The following BRD2 variants were observed in gnomAD, a reference collection of about 807,000 sequenced individuals.
The protein encoded by BRD2 is bromodomain containing 2, also known as bromodomain-containing protein 2.
Under a neutral mutation model 79.1 loss-of-function variants are expected in BRD2, and 15 were observed. The observed-to-expected ratio is 0.19, with a 90% CI of 0.13 to 0.29. BRD2 has a LOEUF of 0.29. Among genes scored for constraint, BRD2 ranks in the 10% least tolerant of loss-of-function variants. The probability of loss-of-function intolerance (pLI) is 1.00; values close to 1 mark genes in which losing one functional copy is unlikely to be tolerated. For synonymous variants in BRD2, 488 were observed against 358.6 expected, an observed-to-expected ratio of 1.36 and a Z score of -4.08; for missense variants, 1,053 against 991.3, an observed-to-expected ratio of 1.06 and a Z score of -0.84.
chr6:32,973,967 A>G (rs1262789253), intron 2 of BRD2, among the ~76,000 whole-genome samples: 1 of 151,974 alleles, frequency 6.6e-6, no homozygotes, highest in African/African-American at 2.4e-5. Flanking sequence ...TCTCTCTTCT[A>G]TCTAGGTGGA....
At position 32,977,560 on chromosome 6, in the gene BRD2, G is replaced by A. The variant is rs1401379193; in HGVS notation, c.1319G>A (p.Arg440Gln). ...GATCACGATGTTGTGGCAATGGCAC[G>A]AAAGCTACAGGTGAGTGGAAAGGTT... ...PPDHDVVAMARKLQDVFEFRY... is the reference protein window; with the variant it reads ...PPDHDVVAMAQKLQDVFEFRY... Residue 440 changes from arginine (R) to glutamine (Q), a missense_variant, in exon 8 of 13, where the codon CGA (arginine) becomes CAA (glutamine). Physicochemically the swap from Arg to Gln is conservative, Grantham distance 43. Around this residue, in one of 5 missense-constraint regions of BRD2, gnomAD observed 454 missense variants for 430.5 expected, o/e 1.05. Transcript: ENST00000374825. 5 of 1,613,956 alleles carry A rather than the reference G, an allele frequency of 3.1e-6. No individual in the cohort carries two copies. Among genetic ancestry groups the A allele is most frequent in the South Asian group, 1.1e-5 (1 of 91,076 alleles).
Position 32,976,889 on chromosome 6 carries a change from G to A in BRD2, c.1153G>A (p.Asp385Asn). Residue 385 changes from aspartate (D) to asparagine (N), a missense_variant, in exon 7 of 13, where the codon GAC becomes AAC. Physicochemically the swap from Asp to Asn is conservative, Grantham distance 23. Coordinates refer to ENST00000374825, the MANE Select transcript of BRD2 (RefSeq NM_005104.4). ...GGATGCTTCTGCACTTGGCCTGCAT[G>A]ACTACCATGACATCATTAAGCACCC... ...PVDASALGLH[D>N]YHDIIKHPMD... 1 of 1,613,006 alleles carries A rather than the reference G, an allele frequency of 6.2e-7. No homozygotes were observed. Among genetic ancestry groups the A allele is most frequent in the Non-Finnish European group, 8.5e-7 (1 of 1,179,982 alleles).
At position 32,976,150 on chromosome 6, in the gene BRD2, G is replaced by A. The variant is rs776849715; in HGVS notation, c.591G>A (p.Lys197=). The part of the protein sequence containing the change: ...LVVTIPKNSH[K]KGAKLAALQG... ...TGACCATCCCTAAGAACAGCCACAA[G>A]AAGGGGGCCAAGTTGGCAGGTAGGA... Residue 197 remains lysine (K), a synonymous_variant, in exon 5 of 13, where the codon AAG becomes AAA. Coordinates refer to ENST00000374825, the MANE Select transcript of BRD2 (RefSeq NM_005104.4). 1.2e-6 allele frequency: 2 copies of A among 1,612,614 alleles called. No individual in the cohort carries two copies. The highest frequency in any genetic ancestry group is 4.5e-5 in the East Asian group (2 of 44,888).
chr6:32,976,747 A>C lies in BRD2; in HGVS notation c.1011A>C (p.Gln337His), dbSNP rs774904530. Residue 337 changes from glutamine (Q) to histidine (H), a missense_variant, in exon 7 of 13, where the codon CAA becomes CAC. By Grantham distance (24) the Gln-to-His change is conservative. Transcript: ENST00000374825. ...AAGACTTGCCTGACTCTCAGCAACA[A>C]CACCAGAGCTCTAAGAAAGGAAAGC... Reference protein sequence around the residue: ...PRKDLPDSQQQHQSSKKGKLS... With the variant: ...PRKDLPDSQQHHQSSKKGKLS... 3.1e-6 allele frequency: 5 copies of C among 1,613,260 alleles called. No homozygotes were observed. Among genetic ancestry groups the C allele is most frequent in the East Asian group, 2.2e-5 (1 of 44,884 alleles).
intron 2 of BRD2, 146 bp from the exon 3 acceptor site, chr6:32,974,316 T>A: frequency 1.3e-6 from 1 of 787,500 alleles, no homozygotes; most frequent in Non-Finnish European, 2.1e-6. Flanking sequence ...CCACAGATTG[T>A]TTGGATATTG....
intron 10 of BRD2, chr6:32,979,065 G>GT (rs879684128): frequency 3.7e-3 from 388 of 103,624 alleles, no homozygotes; most frequent in Middle Eastern, 9.6e-3. Context: ...TTGTTAGTTT[G>GT]TTTTTTGTTT....
chr6:32,969,988 C>T (rs1390991367), intron 1 of BRD2, among the ~76,000 whole-genome samples: 1 of 152,190 alleles, frequency 6.6e-6, no homozygotes, highest in Non-Finnish European at 1.5e-5. Context: ...AGTAGCCTCC[C>T]TGGTGACTCA....
At chr6:32,977,033 G>A in intron 7 of BRD2, 97 bp downstream of exon 7, 1 of 1,449,234 alleles carries the variant, frequency 6.9e-7, no homozygotes, top group Non-Finnish European at 9.2e-7. Flanking sequence ...GCAGTCTTTG[G>A]TTCTTGGCAT....
rs536311902 is a variant in BRD2 at position 32,971,808 on chromosome 6, G to C, written c.-1091G>C. Reference sequence around the variant, plus strand: ...AGCTTGGGAAGACTTTGTTGGAAGGGGAGGCGGGGAGAGAGTGCTGGAGGC... The same window carrying C: ...AGCTTGGGAAGACTTTGTTGGAAGGCGAGGCGGGGAGAGAGTGCTGGAGGC... On this transcript the variant is annotated 5_prime_UTR_variant, in exon 2 of 13. Transcript: ENST00000374825. 2 of 640,936 alleles carry C rather than the reference G, an allele frequency of 3.1e-6. No homozygotes were observed. Among genetic ancestry groups the C allele is most frequent in the African/African-American group, 3.6e-5 (2 of 55,058 alleles). The allele number at this position is 640,936 out of a possible 1,614,324, so 39.7% of individuals were successfully genotyped here.
chr6:32,970,412 C>T (rs1321670024), intron 1 of BRD2: 1 of 152,468 alleles, frequency 6.6e-6, no homozygotes. Flanking sequence ...GATTGGCGGC[C>T]ATTTTAGACG....
At position 32,977,852 on chromosome 6, in the gene BRD2, A is replaced by C; in HGVS notation, c.1425A>C (p.Lys475Asn). 1.1e-5 allele frequency: 18 copies of C among 1,613,092 alleles called. No homozygotes were observed. Among genetic ancestry groups the C allele is most frequent in the Non-Finnish European group, 1.5e-5 (18 of 1,180,032 alleles). ...CTGCCATGCCCCCTGGCTTGGCCAA[A>C]TCGTCTTCAGAGTCCTCCAGTGAGG... The part of the protein sequence containing the change: ...VSTAMPPGLA[K>N]SSSESSSEES... Residue 475 changes from lysine (K) to asparagine (N), a missense_variant, in exon 9 of 13, where the codon AAA becomes AAC. Transcript: ENST00000374825.
At chr6:32,973,397 G>T (rs1778297966) in intron 2 of BRD2, among the ~76,000 whole-genome samples, 1 of 152,126 alleles carries the variant, frequency 6.6e-6, no homozygotes, top group Non-Finnish European at 1.5e-5. Flanking sequence ...GTGTGTGCAG[G>T]TTCCTAATGC....
intron 1 of BRD2, chr6:32,971,267 C>T (rs1777939219): frequency 1.2e-5 from 3 of 250,140 alleles, no homozygotes; most frequent in Non-Finnish European, 2.3e-5. Context: ...TTAGGGTTGC[C>T]GAGGATTTTT....
In BRD2 at chr6:32,969,048, A is replaced by C; in HGVS notation, c.-1313A>C. 1.2e-5 allele frequency: 5 copies of C among 403,504 alleles called. No homozygotes were observed. Among genetic ancestry groups the C allele is most frequent in the East Asian group, 7.7e-5 (2 of 26,084 alleles). The allele number at this position is 403,504 out of a possible 1,614,324, so 25.0% of individuals were successfully genotyped here. A position where few individuals can be genotyped will look rare whatever the true frequency, so the allele number is the denominator to read the frequency against. ...CTTTGGAGGCCCCCTGGAAGGCTTTAGGATCCAGGTGAGAAGGGGCCCTTG... is the reference window on the plus strand; with the variant it reads ...CTTTGGAGGCCCCCTGGAAGGCTTTCGGATCCAGGTGAGAAGGGGCCCTTG... On this transcript the variant is annotated 5_prime_UTR_variant, in exon 1 of 13. Coordinates refer to ENST00000374825, the MANE Select transcript of BRD2 (RefSeq NM_005104.4).
intron 3 of BRD2, 108 bp downstream of exon 3, chr6:32,974,873 C>T (rs1326971054): frequency 2.1e-6 from 3 of 1,435,216 alleles, no homozygotes; most frequent in Admixed American, 2.1e-5. Flanking sequence ...GTTCCCATTT[C>T]TCCCCTGTAG....
chr6:32,980,745 G>GCTC lies in BRD2; in HGVS notation c.*29_*31dup, dbSNP rs1406872024. ...GGGTCAGGCCAGATGGGGCAGGAAG[G>GCTC]CTCCGCAGGACCGGACCCCTAGACC... is the stretch of plus-strand genomic sequence containing the variant. On this transcript the variant is annotated 3_prime_UTR_variant, in exon 13 of 13. Transcript: ENST00000374825. 1 of 1,611,222 alleles carries GCTC rather than the reference G, an allele frequency of 6.2e-7. No individual in the cohort carries two copies. The highest frequency in any genetic ancestry group is 8.5e-7 in the Non-Finnish European group (1 of 1,179,926).
chr6:32,978,164 G>C lies in BRD2; in HGVS notation c.1617G>C (p.Gln539His), dbSNP rs1329606520. Residue 539 changes from glutamine to histidine, a missense_variant, in exon 10 of 13, where the codon CAG becomes CAC. By Grantham distance (24) the Gln-to-His change is conservative. Around this residue, in one of 5 missense-constraint regions of BRD2, gnomAD observed 454 missense variants for 430.5 expected, o/e 1.05. Transcript: ENST00000374825. Reference protein sequence around the residue: ...AVHEQLAALSQGPISKPKRKR... With the variant: ...AVHEQLAALSHGPISKPKRKR... ...ATGAACAACTGGCTGCTCTGTCCCA[G>C]GGTCCAATATCCAAGCCCAAGAGGA... 6.2e-7 allele frequency: 1 copy of C among 1,612,744 alleles called. No individual in the cohort carries two copies. The highest frequency in any genetic ancestry group is 8.5e-7 in the Non-Finnish European group (1 of 1,180,022).
In BRD2 at chr6:32,977,948, T is replaced by C; in HGVS notation, c.1521T>C (p.Ser507=). The change falls in exon 9 of 13, where the codon AGT becomes AGC. Residue 507 remains serine, a synonymous_variant. Transcript: ENST00000374825. ...AGGAGGACGAGGAGGAAGAAGAGAG[T>C]GAAAGCTCAGACTCAGAGGAAGAAA... The part of the protein sequence containing the change: ...EDEEDEEEEE[S]ESSDSEEERA... 1 of 1,612,290 alleles carries C rather than the reference T, an allele frequency of 6.2e-7. No homozygotes were observed. Among genetic ancestry groups the C allele is most frequent in the Non-Finnish European group, 8.5e-7 (1 of 1,179,940 alleles).
chr6:32,975,542 AT>A, intron 4 of BRD2, 21 bp downstream of exon 4: 1 of 1,610,452 alleles, frequency 6.2e-7, no homozygotes, highest in Non-Finnish European at 8.5e-7. Context: ...CTGTGTGTTC[AT>A]TTAGTAGGTG....
Sources: allele counts gnomAD v4.1 joint callset (sites outside exome capture counted in the v4.1 genomes callset), GRCh38; gene constraint gnomAD v4.1.1; regional missense constraint gnomAD v4.1.1; transcripts MANE v1.5; gene names NCBI Gene and HGNC (gene_info 2026-07-23, HGNC 2026-07-21).